PERP: variants seen among roughly 807,000 people sequenced by gnomAD.
PERP encodes p53 apoptosis effector related to PMP22.
PERP carries 11 observed loss-of-function variants against 20.3 expected under a neutral mutation model. The ratio of observed to expected loss-of-function variants is 0.54; its 90% CI spans 0.34 to 0.90. The LOEUF is 0.90. PERP is among the 40% of genes least tolerant of loss of function. The probability of loss-of-function intolerance (pLI) is 0.02; values close to 1 mark genes in which losing one functional copy is unlikely to be tolerated. For missense variants in PERP, 224 were observed against 249.4 expected (o/e 0.90, Z 0.69); for synonymous variants, 101 against 102.0 (o/e 0.99, Z 0.06).
intron 1 of PERP, among the ~76,000 whole-genome samples, chr6:138,100,798 C>T (rs1775759655): frequency 6.6e-6 from 1 of 152,170 alleles, no homozygotes. Context: ...AAACCAGCAG[C>T]ATTATAAATC....
chr6:138,099,150 C>T (rs1472568713), intron 1 of PERP, among the ~76,000 whole-genome samples: 1 of 152,182 alleles, frequency 6.6e-6, no homozygotes, highest in Admixed American at 6.5e-5. Context: ...GTGCCTCCCT[C>T]CAGACCTATG....
intron 1 of PERP, among the ~76,000 whole-genome samples, chr6:138,101,235 T>C (rs1775766995): frequency 6.6e-6 from 1 of 151,996 alleles, no homozygotes; most frequent in Non-Finnish European, 1.5e-5. Context: ...CTGCGTGTGG[T>C]GGCACACGCC....
At position 138,096,383 on chromosome 6, in the gene PERP, C is replaced by T; in HGVS notation, c.326G>A (p.Arg109Lys). ...CAAGGCAAGGAGACCTCCAATCACT[C>T]TCAGGAAGACAAGCATCTGGGGTCC... ...LCGPQMLVFL[R>K]VIGGLLALAA... Residue 109 changes from arginine (R) to lysine (K), a missense_variant, in exon 2 of 3, where the codon AGA (arginine) becomes AAA (lysine). Transcript: ENST00000421351. 4 of 1,614,054 alleles carry T rather than the reference C, an allele frequency of 2.5e-6. No homozygotes were observed. Among genetic ancestry groups the T allele is most frequent in the Non-Finnish European group, 3.4e-6 (4 of 1,179,984 alleles).
rs751443961 is a variant in PERP, at chr6:138,089,281, AAAAT to A, written c.*2757_*2760del. The A allele has an allele frequency of 2.0e-5, 3 of 151,714 alleles. No individual in the cohort carries two copies. The highest frequency in any genetic ancestry group is 4.4e-5 in the Non-Finnish European group (3 of 67,922). 9.4% of individuals were successfully genotyped at this position (151,714 alleles called of 1,614,324 possible). A position where few individuals can be genotyped will look rare whatever the true frequency, so the allele number is the denominator to read the frequency against. ...TTTCAGGGGGAGTTTACAGAAAAAAAAAATAAACCGAATTAAGTTATGATGACTA... is the reference window on the plus strand; with the variant it reads ...TTTCAGGGGGAGTTTACAGAAAAAAAAAACCGAATTAAGTTATGATGACTA... On this transcript the variant is annotated 3_prime_UTR_variant, in exon 3 of 3. Coordinates refer to ENST00000421351, the MANE Select transcript of PERP (RefSeq NM_022121.5).
chr6:138,094,156 C>T (rs117514504), intron 2 of PERP, among the ~76,000 whole-genome samples: 130 of 152,272 alleles, frequency 8.5e-4, no homozygotes, highest in Non-Finnish European at 9.7e-4. Flanking sequence ...ATCATTTTCA[C>T]TTTCAATTGT....
intron 1 of PERP, among the ~76,000 whole-genome samples, chr6:138,098,212 C>T (rs1031728794): frequency 6.6e-6 from 1 of 152,184 alleles, no homozygotes; most frequent in Non-Finnish European, 1.5e-5. Flanking sequence ...TCATGAGTCA[C>T]CTGTCCTCCA....
intron 1 of PERP, among the ~76,000 whole-genome samples, chr6:138,104,705 C>T (rs952743814): frequency 6.6e-6 from 1 of 152,166 alleles, no homozygotes; most frequent in African/African-American, 2.4e-5. Context: ...AGTGGATGTA[C>T]ACACTCAATT....
Position 138,107,046 on chromosome 6 carries a change from C to T in PERP, c.214+81G>A, listed in dbSNP as rs1582970453. ...CTGGCTCCCCCGACCCTGTGAGGGCCCATCACGCGCGGCGGCTTTTGCAGG... is the reference window on the plus strand; with the variant it reads ...CTGGCTCCCCCGACCCTGTGAGGGCTCATCACGCGCGGCGGCTTTTGCAGG... On this transcript the variant is annotated intron_variant, in intron 1 of 2. Coordinates refer to ENST00000421351, the MANE Select transcript of PERP (RefSeq NM_022121.5). The surrounding 1 kb of genome is among the most constrained non-coding windows in gnomAD (Gnocchi z 4.8). 2 of 1,392,688 alleles carry T rather than the reference C, an allele frequency of 1.4e-6. No individual in the cohort carries two copies. The highest frequency in any genetic ancestry group is 4.6e-5 in the East Asian group (2 of 43,150). 86.3% of individuals were successfully genotyped at this position (1,392,688 alleles called of 1,614,324 possible).
Position 138,105,441 on chromosome 6 carries a change from T to A in PERP, c.214+1686A>T, listed in dbSNP as rs192486363. Among the ~76,000 whole-genome samples, 241 of 152,282 alleles carry A rather than the reference T, an allele frequency of 1.6e-3. 1 individual carries two copies. The highest frequency in any genetic ancestry group is 6.2e-3 in the Admixed American group (95 of 15,304). ...TGCCTTCCATATACAAAGCACTGTATCAGTCTAAGGTGGAACACCACACCC... is the reference window on the plus strand; with the variant it reads ...TGCCTTCCATATACAAAGCACTGTAACAGTCTAAGGTGGAACACCACACCC... On this transcript the variant is annotated intron_variant, in intron 1 of 2. Transcript: ENST00000421351.
At chr6:138,096,582 T>A in intron 1 of PERP, 88 bp from the exon 2 acceptor site, 13 of 1,407,372 alleles carry the variant, frequency 9.2e-6, no homozygotes, top group Non-Finnish European at 1.2e-5. Context: ...GTTTTGGGCT[T>A]TTTTTCCCTA....
intron 2 of PERP, among the ~76,000 whole-genome samples, chr6:138,093,219 C>T (rs961780654): frequency 6.6e-6 from 1 of 152,104 alleles, no homozygotes; most frequent in Non-Finnish European, 1.5e-5. Context: ...CTGATTTTAG[C>T]TCTTTCACCA....
Position 138,096,361 on chromosome 6 carries a change from G to C in PERP, c.348C>G (p.Ala116=). 1 of 1,613,934 alleles carries C rather than the reference G, an allele frequency of 6.2e-7. No homozygotes were observed. The highest frequency in any genetic ancestry group is 8.5e-7 in the Non-Finnish European group (1 of 1,179,906). ...VFLRVIGGLL[A]LAAVFQIISL... is the part of the protein sequence containing the mutation. ...GCTGACACACAGTCTTACCAGCCAA[G>C]GCAAGGAGACCTCCAATCACTCTCA... The change falls in exon 2 of 3, where the codon GCC becomes GCG. Residue 116 remains alanine (A), a synonymous_variant. Coordinates refer to ENST00000421351, the MANE Select transcript of PERP (RefSeq NM_022121.5).
At chr6:138,096,974 A>G (rs1775703458) in intron 1 of PERP, among the ~76,000 whole-genome samples, 1 of 152,192 alleles carries the variant, frequency 6.6e-6, no homozygotes, top group African/African-American at 2.4e-5. Context: ...ATAATCATTG[A>G]AAAAATATAT....
Position 138,091,960 on chromosome 6 carries a change from G to T in PERP, c.*82C>A. On this transcript the variant is annotated 3_prime_UTR_variant, in exon 3 of 3. Transcript: ENST00000421351. ...TAATATGAACACTGCCAAAAAATGG[G>T]TTCAAAGTCGCCTGGAGAAACAGTT... The T allele has an allele frequency of 7.4e-7, 1 of 1,348,648 alleles. No individual in the cohort carries two copies. Among genetic ancestry groups the T allele is most frequent in the Non-Finnish European group, 1.0e-6 (1 of 982,214 alleles). The allele number at this position is 1,348,648 out of a possible 1,614,324, so 83.5% of individuals were successfully genotyped here. A position where few individuals can be genotyped will look rare whatever the true frequency, so the allele number is the denominator to read the frequency against.
Position 138,089,752 on chromosome 6 carries a change from A to C in PERP, c.*2290T>G, listed in dbSNP as rs967952321. On this transcript the variant is annotated 3_prime_UTR_variant, in exon 3 of 3. Transcript: ENST00000421351. ...AGGAATGGCAGATCTCTATACTAGA[A>C]CAAGGCTGAAGGAAGCAGACCATTT... The C allele has an allele frequency of 3.9e-5, 6 of 152,218 alleles. No individual in the cohort carries two copies. The highest frequency in any genetic ancestry group is 1.4e-4 in the African/African-American group (6 of 41,458). 9.4% of individuals were successfully genotyped at this position (152,218 alleles called of 1,614,324 possible).
intron 1 of PERP, among the ~76,000 whole-genome samples, chr6:138,104,984 A>G (rs569231580): frequency 6.6e-6 from 1 of 152,294 alleles, no homozygotes; most frequent in Non-Finnish European, 1.5e-5. Flanking sequence ...ATGTGCATGC[A>G]GGCGATGAGA....
In PERP at chr6:138,090,282, C is replaced by T. The variant is rs971473456; in HGVS notation, c.*1760G>A. ...ATATATTTCCGTTCTCCCACCCAGC[C>T]TCTCTGCACCCATCCTCACAATGAC... On this transcript the variant is annotated 3_prime_UTR_variant, in exon 3 of 3. Coordinates refer to ENST00000421351, the MANE Select transcript of PERP (RefSeq NM_022121.5). 6.6e-6 allele frequency: 1 copy of T among 152,160 alleles called. No homozygotes were observed. The highest frequency in any genetic ancestry group is 1.5e-5 in the Non-Finnish European group (1 of 68,038). 9.4% of individuals were successfully genotyped at this position (152,160 alleles called of 1,614,324 possible).
At chr6:138,097,829 C>G (rs1775718897) in intron 1 of PERP, among the ~76,000 whole-genome samples, 1 of 152,094 alleles carries the variant, frequency 6.6e-6, no homozygotes, top group Non-Finnish European at 1.5e-5. Context: ...GTTGTACAAC[C>G]ATCTCCACTA....
Position 138,107,361 on chromosome 6 carries a change from C to CGAGCGGAGCG in PERP, c.-31_-22dup, listed in dbSNP as rs373175098. On this transcript the variant is annotated 5_prime_UTR_variant, in exon 1 of 3. Transcript: ENST00000421351. The surrounding 1 kb of genome is among the most constrained non-coding windows in gnomAD (Gnocchi z 4.8). Reference sequence around the variant, plus strand: ...ATCATGTTGACGGGCGGCGCGGGGCCGAGCGGAGCGGAGCGGAGCGGGTCG... The same window carrying CGAGCGGAGCG: ...ATCATGTTGACGGGCGGCGCGGGGCCGAGCGGAGCGGAGCGGAGCGGAGCGGAGCGGGTCG... 925 of 1,564,162 alleles carry CGAGCGGAGCG rather than the reference C, an allele frequency of 5.9e-4. 3 individuals carry two copies. In the African/African-American group the frequency reaches 9.1e-3, roughly 15 times the overall value.
Sources: gnomAD v4.1 joint callset for allele counts (sites outside exome capture counted in the v4.1 genomes callset) on GRCh38, gnomAD v4.1.1 for gene constraint, Gnocchi (gnomAD v3.1) non-coding constraint, MANE v1.5 for transcripts, NCBI Gene and HGNC (gene_info 2026-07-23, HGNC 2026-07-21) for gene names.